Variants in GALNT1 observed in about 807,000 individuals in gnomAD.
GALNT1 encodes polypeptide N-acetylgalactosaminyltransferase 1.
In GALNT1, 17 loss-of-function variants were observed where a neutral mutation model predicts 65.7. The ratio of observed to expected loss-of-function variants is 0.26; its 90% CI spans 0.18 to 0.39. The LOEUF (loss-of-function observed/expected upper bound fraction) is 0.39, where lower values mean the gene tolerates loss of function less well. Among genes scored for constraint, GALNT1 ranks in the 10% least tolerant of loss-of-function variants. The probability of loss-of-function intolerance (pLI) is 1.00; values close to 1 mark genes in which losing one functional copy is unlikely to be tolerated. For missense variants in GALNT1, 460 were observed against 672.8 expected (o/e 0.68, Z 3.50); for synonymous variants, 210 against 219.7 (o/e 0.96, Z 0.39).
chr18:35,683,731 A>G, intron 5 of GALNT1, 133 bp downstream of exon 5: 2 of 702,150 alleles, frequency 2.8e-6, no homozygotes, highest in Non-Finnish European at 4.6e-6. Flanking sequence ...ATATCCGTGA[A>G]GAGGACTCTA....
chr18:35,696,637 T>C (rs1056697237), intron 9 of GALNT1, among the ~76,000 whole-genome samples: 6 of 152,248 alleles, frequency 3.9e-5, no homozygotes, highest in African/African-American at 1.4e-4. Flanking sequence ...ATGTACTTTA[T>C]GTCAAGCACA....
At chr18:35,621,461 G>T (rs1182724937) in intron 1 of GALNT1, among the ~76,000 whole-genome samples, 1 of 131,308 alleles carries the variant, frequency 7.6e-6, no homozygotes, top group Non-Finnish European at 1.6e-5. Flanking sequence ...TACAATGCTA[G>T]GATTATAGAC....
At chr18:35,632,719 G>T (rs1204421225) in intron 1 of GALNT1, among the ~76,000 whole-genome samples, 2 of 152,150 alleles carry the variant, frequency 1.3e-5, no homozygotes, top group Non-Finnish European at 2.9e-5. Flanking sequence ...TTAAACTAAA[G>T]AGCTTCTGCA....
At chr18:35,616,943 A>G (rs2046790826) in intron 1 of GALNT1, among the ~76,000 whole-genome samples, 1 of 152,146 alleles carries the variant, frequency 6.6e-6, no homozygotes, top group Admixed American at 6.6e-5. Context: ...TCTAATGCCT[A>G]AGCCACTGAG....
At chr18:35,706,692 A>T (rs958770881) in intron 11 of GALNT1, among the ~76,000 whole-genome samples, 1 of 152,072 alleles carries the variant, frequency 6.6e-6, no homozygotes, top group Non-Finnish European at 1.5e-5. Context: ...TTCTGGGCCA[A>T]TATCTGTAAA....
intron 1 of GALNT1, among the ~76,000 whole-genome samples, chr18:35,593,369 G>T (rs898788946): frequency 6.6e-6 from 1 of 152,186 alleles, no homozygotes; most frequent in African/African-American, 2.4e-5. Flanking sequence ...GGGGATAGGA[G>T]TGACAGCAAA....
intron 11 of GALNT1, among the ~76,000 whole-genome samples, chr18:35,704,793 G>A (rs568182927): frequency 2.0e-5 from 3 of 151,794 alleles, no homozygotes; most frequent in Admixed American, 6.6e-5. Context: ...ACAGGTGCCC[G>A]CCACCATGCC....
intron 9 of GALNT1, among the ~76,000 whole-genome samples, chr18:35,698,160 G>A (rs72968433): frequency 0.082 from 12,436 of 152,134 alleles, 565 homozygotes; most frequent in African/African-American, 0.12. Context: ...CTGACGTGTC[G>A]GCTACACTGA....
chr18:35,654,964 C>G (rs1479760645), intron 2 of GALNT1, among the ~76,000 whole-genome samples, 163 bp downstream of exon 2: 1 of 152,104 alleles, frequency 6.6e-6, no homozygotes, highest in African/African-American at 2.4e-5. Flanking sequence ...TGGGTTCATC[C>G]AGCAGTTAAA....
intron 11 of GALNT1, among the ~76,000 whole-genome samples, chr18:35,706,521 TA>T (rs1051271763): frequency 1.3e-5 from 2 of 151,742 alleles, no homozygotes; most frequent in East Asian, 3.9e-4. Context: ...AATTAAATTT[TA>T]AAAAAAAGAG....
chr18:35,592,697 AG>A, intron 1 of GALNT1, among the ~76,000 whole-genome samples: 1 of 152,134 alleles, frequency 6.6e-6, no homozygotes, highest in East Asian at 1.9e-4. Flanking sequence ...GGTAAAGGGG[AG>A]GCATGGAGAT....
At chr18:35,616,837 T>A (rs961596900) in intron 1 of GALNT1, among the ~76,000 whole-genome samples, 3 of 152,112 alleles carry the variant, frequency 2.0e-5, no homozygotes, top group African/African-American at 7.2e-5. Flanking sequence ...TCCTCTAGTA[T>A]GGTCCACCCC....
chr18:35,683,795 T>C (rs2047822107), intron 5 of GALNT1, among the ~76,000 whole-genome samples, 197 bp downstream of exon 5: 1 of 152,204 alleles, frequency 6.6e-6, no homozygotes, highest in African/African-American at 2.4e-5. Context: ...GTTTGCAAAC[T>C]GTTGTACTAA....
chr18:35,642,634 C>A (rs763052697), intron 1 of GALNT1, among the ~76,000 whole-genome samples: 1 of 152,098 alleles, frequency 6.6e-6, no homozygotes, highest in Non-Finnish European at 1.5e-5. Context: ...TTTTTGTGAT[C>A]TGGGGCATTA....
At chr18:35,649,582 T>C (rs2047283034) in intron 1 of GALNT1, among the ~76,000 whole-genome samples, 1 of 152,218 alleles carries the variant, frequency 6.6e-6, no homozygotes, top group African/African-American at 2.4e-5. Flanking sequence ...ATTTTCTTAA[T>C]GGTGTCTTTT....
At position 35,711,147 on chromosome 18, in the gene GALNT1, G is replaced by C. The variant is rs2048345454; in HGVS notation, c.*1377G>C. The C allele has an allele frequency of 6.6e-6, 1 of 151,770 alleles. No individual in the cohort carries two copies. The highest frequency in any genetic ancestry group is 6.6e-5 in the Admixed American group (1 of 15,214). The allele number at this position is 151,770 out of a possible 1,614,324, so 9.4% of individuals were successfully genotyped here. A position where few individuals can be genotyped will look rare whatever the true frequency, so the allele number is the denominator to read the frequency against. ...CCACAGAATCACCTGAGTGTCAATT[G>C]AAAGTTGTCAATTAAAAGGTAACCT... is the stretch of plus-strand genomic sequence containing the variant. On this transcript the variant is annotated 3_prime_UTR_variant, in exon 12 of 12. Transcript: ENST00000269195.
At chr18:35,656,469 G>T (rs1219848912) in intron 2 of GALNT1, among the ~76,000 whole-genome samples, 3 of 152,222 alleles carry the variant, frequency 2.0e-5, no homozygotes, top group African/African-American at 7.2e-5. Flanking sequence ...GCCTTGGGGT[G>T]TCTGAGAAGC....
At chr18:35,637,048 T>C (rs1396211832) in intron 1 of GALNT1, among the ~76,000 whole-genome samples, 1 of 152,166 alleles carries the variant, frequency 6.6e-6, no homozygotes, top group Non-Finnish European at 1.5e-5. Flanking sequence ...GTTTAATCAA[T>C]AAATGTCTTT....
rs192892338 is a variant in GALNT1, at chr18:35,671,280, A to G, written c.315-6311A>G. Among the ~76,000 whole-genome samples the G allele has an allele frequency of 7.7e-4, 118 of 152,304 alleles. 1 individual carries two copies. The highest frequency in any genetic ancestry group is 1.5e-3 in the Non-Finnish European group (99 of 68,018). On this transcript the variant is annotated intron_variant, in intron 3 of 11. Coordinates refer to ENST00000269195, the MANE Select transcript of GALNT1 (RefSeq NM_020474.4). ...TGCCCAGACTGGAGTGCAGTGGCAC[A>G]GTCACAGCTGACTGCAGCCTCAACC... is the stretch of plus-strand genomic sequence containing the variant.
Sources: allele counts gnomAD v4.1 joint callset (sites outside exome capture counted in the v4.1 genomes callset), GRCh38; gene constraint gnomAD v4.1.1; transcripts MANE v1.5; gene names NCBI Gene and HGNC (gene_info 2026-07-23, HGNC 2026-07-21).